DDAH1: variants seen among roughly 807,000 people sequenced by gnomAD.
The protein encoded by DDAH1 is dimethylarginine dimethylaminohydrolase 1.
In DDAH1, 19 loss-of-function variants were observed where a neutral mutation model predicts 28.8. The observed-to-expected ratio is 0.66, with a 90% CI of 0.46 to 0.97. The LOEUF is 0.97. Among genes scored for constraint, DDAH1 ranks in the 50% least tolerant of loss-of-function variants. The pLI is 0.00. For synonymous variants in DDAH1, 153 were observed against 154.4 expected (o/e 0.99, Z 0.07); for missense variants, 326 against 375.9 (o/e 0.87, Z 1.10).
At chr1:85,461,260 AC>A (rs1655114989) in intron 1 of DDAH1, among the ~76,000 whole-genome samples, 1 of 152,248 alleles carries the variant, frequency 6.6e-6, no homozygotes, top group Non-Finnish European at 1.5e-5. Flanking sequence ...ACATTATTAG[AC>A]AATTAACATT....
chr1:85,512,167 C>A (rs1657265339), intron 1 of DDAH1, among the ~76,000 whole-genome samples: 1 of 152,196 alleles, frequency 6.6e-6, no homozygotes, highest in African/African-American at 2.4e-5. Context: ...AAGTCAGCTT[C>A]ATCCCTGGGA....
At chr1:85,362,916 T>C (rs1440875651) in intron 1 of DDAH1, among the ~76,000 whole-genome samples, 2 of 152,150 alleles carry the variant, frequency 1.3e-5, no homozygotes, top group African/African-American at 4.8e-5. Context: ...TTCCTTTTGT[T>C]CTTGCAAAAT....
intron 4 of DDAH1, among the ~76,000 whole-genome samples, chr1:85,338,653 G>A (rs1213688998): frequency 6.6e-6 from 1 of 152,158 alleles, no homozygotes; most frequent in Non-Finnish European, 1.5e-5. Context: ...TTCTAGCGGT[G>A]AACCCCAGGA....
At chr1:85,401,403 T>C (rs1652095382) in intron 1 of DDAH1, among the ~76,000 whole-genome samples, 1 of 152,154 alleles carries the variant, frequency 6.6e-6, no homozygotes, top group Non-Finnish European at 1.5e-5. Flanking sequence ...AAGAGCATGG[T>C]TTATATTTAC....
At chr1:85,386,584 C>T (rs1046009796) in intron 1 of DDAH1, among the ~76,000 whole-genome samples, 1 of 152,196 alleles carries the variant, frequency 6.6e-6, no homozygotes, top group Non-Finnish European at 1.5e-5. Context: ...GAGTTGGAGT[C>T]CAATGCCTGC....
chr1:85,407,360 G>A (rs893948928), intron 1 of DDAH1, among the ~76,000 whole-genome samples: 1 of 152,178 alleles, frequency 6.6e-6, no homozygotes, highest in Admixed American at 6.5e-5. Context: ...TAGCTTGAGT[G>A]TGCAGGAATG....
chr1:85,465,258 T>A, upstream of DDAH1: 1 of 1,064,442 alleles, frequency 9.4e-7, no homozygotes, highest in Non-Finnish European at 1.1e-6. Flanking sequence ...GCGCGCCCAC[T>A]CCGGCGCTCG....
intron 2 of DDAH1, among the ~76,000 whole-genome samples, chr1:85,483,233 T>C (rs1183378135): frequency 6.8e-6 from 1 of 146,762 alleles, no homozygotes; most frequent in Non-Finnish European, 1.5e-5. Context: ...AAAAAAAGAA[T>C]TCTCTTAAAA....
chr1:85,481,098 GTTTTT>G (rs71075839), intron 2 of DDAH1, among the ~76,000 whole-genome samples: 13 of 113,476 alleles, frequency 1.1e-4, no homozygotes, highest in African/African-American at 3.5e-4. Context: ...TGGGTTTTTT[GTTTTT>G]TTTTTTTTTT....
intron 4 of DDAH1, among the ~76,000 whole-genome samples, chr1:85,327,861 C>T (rs1320699197): frequency 6.6e-6 from 1 of 152,228 alleles, no homozygotes; most frequent in African/African-American, 2.4e-5. Context: ...AGTCGGTTCA[C>T]TTCCCTCTTT....
At chr1:85,472,140 G>A (rs1053913673) in intron 2 of DDAH1, among the ~76,000 whole-genome samples, 1 of 152,162 alleles carries the variant, frequency 6.6e-6, no homozygotes, top group Non-Finnish European at 1.5e-5. Context: ...TGTGAAAACA[G>A]GCCATAAAGA....
chr1:85,390,088 A>G (rs1651472701), intron 1 of DDAH1, among the ~76,000 whole-genome samples: 1 of 152,214 alleles, frequency 6.6e-6, no homozygotes, highest in African/African-American at 2.4e-5. Flanking sequence ...ATATCTTTCT[A>G]TGTTAAGTCA....
At chr1:85,332,562 G>A (rs1647840537) in intron 4 of DDAH1, among the ~76,000 whole-genome samples, 1 of 152,174 alleles carries the variant, frequency 6.6e-6, no homozygotes, top group Non-Finnish European at 1.5e-5. Context: ...GGGCCCATGG[G>A]CCCCATGGGG....
upstream of DDAH1, among the ~76,000 whole-genome samples, chr1:85,466,781 C>T (rs1655396607): frequency 6.6e-6 from 1 of 150,634 alleles, no homozygotes; most frequent in African/African-American, 2.4e-5. Context: ...CTTAAGCTTG[C>T]CCTGGTTAAA....
chr1:85,386,644 G>C (rs1370866975), intron 1 of DDAH1, among the ~76,000 whole-genome samples: 1 of 152,134 alleles, frequency 6.6e-6, no homozygotes, highest in Non-Finnish European at 1.5e-5. Flanking sequence ...ATAATTCTGG[G>C]ATCTTGAGGA....
At chr1:85,420,010 T>G (rs1653068764) in intron 1 of DDAH1, among the ~76,000 whole-genome samples, 1 of 152,178 alleles carries the variant, frequency 6.6e-6, no homozygotes, top group Non-Finnish European at 1.5e-5. Context: ...TTATCAAGGT[T>G]GCAAACTATC....
chr1:85,478,314 T>G (rs1481449875), intron 2 of DDAH1, among the ~76,000 whole-genome samples: 2 of 152,240 alleles, frequency 1.3e-5, no homozygotes, highest in Non-Finnish European at 2.9e-5. Flanking sequence ...TCTTAATTAA[T>G]TTTAGGAATT....
intron 1 of DDAH1, among the ~76,000 whole-genome samples, chr1:85,450,355 C>A (rs1014692702): frequency 6.6e-6 from 1 of 151,040 alleles, no homozygotes; most frequent in Non-Finnish European, 1.5e-5. Context: ...GCCAAGTTCA[C>A]CTTGCTAATA....
Position 85,528,257 on chromosome 1 carries a change from C to G in DDAH1, c.-122-31976G>C, listed in dbSNP as rs530384533. 5.0e-3 allele frequency among the ~76,000 whole-genome samples: 760 copies of G among 151,650 alleles called. 2 individuals are homozygous for G. Among genetic ancestry groups the G allele is most frequent in the Non-Finnish European group, 7.3e-3 (496 of 67,840 alleles). ...AAAAATTTCACAAAACAAAATCTAC[C>G]CTTACCAAGTGTGATGCATTCTGGT... On this transcript the variant is annotated intron_variant, in intron 1 of 6. Transcript: ENST00000426972.
Sources: gnomAD v4.1 joint callset for allele counts (sites outside exome capture counted in the v4.1 genomes callset) on GRCh38, gnomAD v4.1.1 for gene constraint, MANE v1.5 for transcripts, NCBI Gene and HGNC (gene_info 2026-07-23, HGNC 2026-07-21) for gene names.